The following MCC variants were observed in gnomAD, a reference collection of about 807,000 sequenced individuals.
The protein encoded by MCC is colorectal mutant cancer protein.
Under a neutral mutation model 116.2 loss-of-function variants are expected in MCC, and 90 were observed. That is an observed-to-expected ratio of 0.77 (90% CI 0.65 to 0.92). The LOEUF (loss-of-function observed/expected upper bound fraction) is 0.92. Among genes scored for constraint, MCC ranks in the 40% least tolerant of loss-of-function variants. The pLI is 0.00. For missense variants in MCC, 1,516 were observed against 1,312.2 expected, an observed-to-expected ratio of 1.16 and a Z score of -2.40; for synonymous variants, 578 against 510.5, an observed-to-expected ratio of 1.13 and a Z score of -1.78.
At chr5:113,081,222 C>T (rs972032485) in intron 11 of MCC, among the ~76,000 whole-genome samples, 6 of 152,170 alleles carry the variant, frequency 3.9e-5, no homozygotes, top group Non-Finnish European at 7.3e-5. Flanking sequence ...CAGCTAGGAT[C>T]ACAGAGATGA....
chr5:113,426,541 A>G (rs1167200909), intron 1 of MCC, among the ~76,000 whole-genome samples: 3 of 152,038 alleles, frequency 2.0e-5, no homozygotes, highest in Admixed American at 2.0e-4. Flanking sequence ...TTCTCTTTCT[A>G]TGTTCTTCAT....
At chr5:113,465,485 C>T (rs1048628633) in intron 1 of MCC, among the ~76,000 whole-genome samples, 29 of 151,970 alleles carry the variant, frequency 1.9e-4, no homozygotes, top group South Asian at 4.1e-4. Context: ...TTTTAACATA[C>T]GCAAAAGGAA....
chr5:113,156,178 T>C (rs1186871338), intron 3 of MCC, among the ~76,000 whole-genome samples: 2 of 152,190 alleles, frequency 1.3e-5, no homozygotes, highest in Admixed American at 6.5e-5. Context: ...CTGCAAGAAA[T>C]AAACCTCTGT....
intron 14 of MCC, among the ~76,000 whole-genome samples, chr5:113,055,027 C>T (rs1183294902): frequency 6.6e-6 from 1 of 152,226 alleles, no homozygotes; most frequent in Non-Finnish European, 1.5e-5. Flanking sequence ...GTGACTCGCC[C>T]CTCATGGAAC....
chr5:113,361,403 C>G (rs1768544629), intron 2 of MCC, among the ~76,000 whole-genome samples: 1 of 152,064 alleles, frequency 6.6e-6, no homozygotes, highest in Admixed American at 6.6e-5. Context: ...CTCAACTCAG[C>G]CTTTTTATTT....
At chr5:113,244,846 C>T (rs760431374) in intron 3 of MCC, among the ~76,000 whole-genome samples, 1 of 152,088 alleles carries the variant, frequency 6.6e-6, no homozygotes, top group Non-Finnish European at 1.5e-5. Flanking sequence ...ACAGCACTAC[C>T]CAAATATATA....
chr5:113,340,340 T>G (rs1767978891), intron 3 of MCC, among the ~76,000 whole-genome samples, 179 bp downstream of exon 3: 1 of 152,082 alleles, frequency 6.6e-6, no homozygotes, highest in African/African-American at 2.4e-5. Flanking sequence ...GAGAGTGAAG[T>G]CCCTAAGTGC....
rs529640456 is a variant in MCC at position 113,449,813 on chromosome 5, A to G, written c.170+38432T>C. Among the ~76,000 whole-genome samples the G allele has an allele frequency of 3.3e-5, 5 of 152,338 alleles. No individual in the cohort carries two copies. The South Asian group carries it at 1.0e-3, about 32-fold the overall frequency. On this transcript the variant is annotated intron_variant, in intron 1 of 18. Transcript: ENST00000408903. Reference sequence around the variant, plus strand: ...CACATTTGTCTAAACTGATCTTAGAAGTTTCTTCAAATCACAACAAATAAA... The same window carrying G: ...CACATTTGTCTAAACTGATCTTAGAGGTTTCTTCAAATCACAACAAATAAA...
At chr5:113,248,274 G>C (rs1764651502) in intron 3 of MCC, among the ~76,000 whole-genome samples, 1 of 150,146 alleles carries the variant, frequency 6.7e-6, no homozygotes, top group Non-Finnish European at 1.5e-5. Flanking sequence ...ATAAAAGAAA[G>C]GCAGGAGGGA....
chr5:113,090,511 A>T (rs1040424883), intron 8 of MCC, among the ~76,000 whole-genome samples: 10 of 152,242 alleles, frequency 6.6e-5, no homozygotes, highest in Non-Finnish European at 1.0e-4. Context: ...CACAACGGAG[A>T]TAAGAATGTG....
intron 3 of MCC, among the ~76,000 whole-genome samples, chr5:113,190,245 C>T (rs1022945484): frequency 3.9e-5 from 6 of 152,124 alleles, no homozygotes; most frequent in African/African-American, 1.4e-4. Flanking sequence ...GTGTTCACAG[C>T]CTGCTCTAAA....
chr5:113,245,689 G>C (rs1010895218), intron 3 of MCC, among the ~76,000 whole-genome samples: 5 of 152,030 alleles, frequency 3.3e-5, no homozygotes, highest in Admixed American at 6.6e-5. Context: ...CAGCTTCTCA[G>C]TTTCAGTAAT....
chr5:113,199,148 G>A (rs1222116022), intron 3 of MCC, among the ~76,000 whole-genome samples: 1 of 152,044 alleles, frequency 6.6e-6, no homozygotes, highest in Admixed American at 6.6e-5. Context: ...ATCCAGCCTA[G>A]GTGACAGAGC....
chr5:113,391,615 G>A (rs1561548929), intron 1 of MCC, among the ~76,000 whole-genome samples: 1 of 152,078 alleles, frequency 6.6e-6, no homozygotes, highest in Non-Finnish European at 1.5e-5. Flanking sequence ...CTACTTGGAA[G>A]GCTAAGGCAG....
intron 1 of MCC, among the ~76,000 whole-genome samples, chr5:113,430,205 G>C (rs1044218258): frequency 1.3e-5 from 2 of 152,210 alleles, no homozygotes; most frequent in African/African-American, 2.4e-5. Context: ...TTGGAAAAAT[G>C]GTAGCCTGGG....
chr5:113,191,097 C>T (rs1184453058), intron 3 of MCC, among the ~76,000 whole-genome samples: 1 of 152,186 alleles, frequency 6.6e-6, no homozygotes, highest in African/African-American at 2.4e-5. Flanking sequence ...ACGATAATCA[C>T]CTCCTTTTAG....
At chr5:113,376,574 T>TATATACAC (rs10633405) in intron 2 of MCC, among the ~76,000 whole-genome samples, 10,550 of 145,726 alleles carry the variant, frequency 0.072, 520 homozygotes, top group Non-Finnish European at 0.1. Context: ...CCATATTTTA[T>TATATACAC]ACACACACAC....
chr5:113,411,733 C>G (rs1769998136), intron 1 of MCC, among the ~76,000 whole-genome samples: 1 of 152,134 alleles, frequency 6.6e-6, no homozygotes, highest in Admixed American at 6.5e-5. Flanking sequence ...CCTGTTCACT[C>G]TGATGGTAGT....
chr5:113,139,083 C>T (rs1245844186), intron 5 of MCC, among the ~76,000 whole-genome samples: 4 of 152,106 alleles, frequency 2.6e-5, no homozygotes, highest in Admixed American at 2.0e-4. Flanking sequence ...GCCACTACAA[C>T]TATCCCTAGC....
Sources: gnomAD v4.1 joint callset for allele counts (sites outside exome capture counted in the v4.1 genomes callset) on GRCh38, gnomAD v4.1.1 for gene constraint, MANE v1.5 for transcripts, NCBI Gene and HGNC (gene_info 2026-07-23, HGNC 2026-07-21) for gene names.